Variants in EXOC4 observed in about 807,000 individuals in gnomAD.
EXOC4 encodes the protein SEC8-like 1.
A neutral mutation model predicts 107.2 loss-of-function variants in EXOC4; 71 were observed. The observed-to-expected ratio is 0.66, with a 90% CI of 0.55 to 0.81. EXOC4 has a LOEUF of 0.81. EXOC4 is among the 30% of genes least tolerant of loss of function. EXOC4 has a pLI of 0.00. For missense variants in EXOC4, 1,108 were observed against 1,189.6 expected (o/e 0.93, Z 1.01); for synonymous variants, 456 against 441.2 (o/e 1.03, Z -0.42).
At chr7:133,437,219 AT>A (rs1797996221) in intron 7 of EXOC4, among the ~76,000 whole-genome samples, 1 of 152,080 alleles carries the variant, frequency 6.6e-6, no homozygotes, top group Non-Finnish European at 1.5e-5. Flanking sequence ...AATTTACTAT[AT>A]TTGTGTTACT....
In EXOC4 at chr7:133,685,487, A is replaced by G. The variant is rs956036701; in HGVS notation, c.1514+55346A>G. Among the ~76,000 whole-genome samples the G allele has an allele frequency of 2.6e-5, 4 of 152,216 alleles. No individual in the cohort carries two copies. The South Asian group carries it at 8.3e-4, about 32-fold the overall frequency. ...ATTAAACCTCTTTCCTTTATAAATT[A>G]CCCAATCTTGGGCAGTTTTTTATAG... On this transcript the variant is annotated intron_variant, in intron 10 of 17. Coordinates refer to ENST00000253861, the MANE Select transcript of EXOC4 (RefSeq NM_021807.4).
At chr7:133,868,712 A>G (rs563898091) in intron 11 of EXOC4, among the ~76,000 whole-genome samples, 17 of 152,250 alleles carry the variant, frequency 1.1e-4, no homozygotes, top group African/African-American at 2.9e-4. Flanking sequence ...TCTTGAGTCT[A>G]TTAGAGGAAC....
At chr7:133,686,343 C>T (rs1794297869) in intron 10 of EXOC4, among the ~76,000 whole-genome samples, 1 of 152,118 alleles carries the variant, frequency 6.6e-6, no homozygotes, top group Admixed American at 6.6e-5. Flanking sequence ...CATTTCCTTC[C>T]TCTCATTGCC....
intron 9 of EXOC4, among the ~76,000 whole-genome samples, chr7:133,610,327 G>A (rs1802047958): frequency 6.6e-6 from 1 of 152,148 alleles, no homozygotes; most frequent in Admixed American, 6.5e-5. Flanking sequence ...ACAACAAGTG[G>A]ACTTTCAGCT....
chr7:133,666,682 T>G (rs530362817), intron 10 of EXOC4, among the ~76,000 whole-genome samples: 2 of 152,346 alleles, frequency 1.3e-5, no homozygotes, highest in South Asian at 4.1e-4. Context: ...ATTTATTCAC[T>G]CAACCTTTGC....
At chr7:133,437,823 T>C (rs777456758) in intron 7 of EXOC4, among the ~76,000 whole-genome samples, 5 of 152,180 alleles carry the variant, frequency 3.3e-5, no homozygotes, top group African/African-American at 7.2e-5. Flanking sequence ...TCTCTCTAAT[T>C]ATACAAATAT....
intron 10 of EXOC4, among the ~76,000 whole-genome samples, chr7:133,666,466 A>G (rs949812706): frequency 2.0e-5 from 3 of 152,040 alleles, no homozygotes; most frequent in Non-Finnish European, 2.9e-5. Flanking sequence ...CTATACTCAC[A>G]ATATATTGTA....
chr7:134,094,934 A>G, the EXOC4 span, among the ~76,000 whole-genome samples: 2 of 152,118 alleles, frequency 1.3e-5, no homozygotes, highest in East Asian at 1.9e-4. Flanking sequence ...CTCCTATTCA[A>G]CATAGTACTA....
chr7:133,371,874 C>T (rs1563039978), intron 6 of EXOC4, among the ~76,000 whole-genome samples: 1 of 152,192 alleles, frequency 6.6e-6, no homozygotes, highest in East Asian at 1.9e-4. Flanking sequence ...GTTCCAATTT[C>T]TCTGCATCCT....
intron 13 of EXOC4, among the ~76,000 whole-genome samples, chr7:133,922,446 T>C (rs1440720581): frequency 6.6e-6 from 1 of 152,186 alleles, no homozygotes; most frequent in Admixed American, 6.5e-5. Context: ...TGGCTTCTTA[T>C]TTTCCACATT....
intron 11 of EXOC4, among the ~76,000 whole-genome samples, chr7:133,866,720 G>GA (rs137862277): frequency 0.032 from 4,896 of 151,954 alleles, 263 homozygotes; most frequent in African/African-American, 0.11. Context: ...TTTGAGTTTT[G>GA]AAAAAAAGTG....
At chr7:133,674,218 G>A (rs1004379454) in intron 10 of EXOC4, among the ~76,000 whole-genome samples, 1 of 152,074 alleles carries the variant, frequency 6.6e-6, no homozygotes, top group Non-Finnish European at 1.5e-5. Flanking sequence ...GCAATTGCTC[G>A]AAACCCTAGA....
chr7:133,356,218 CTT>C (rs1205507013), intron 5 of EXOC4, 110 bp from the exon 6 acceptor site: 33 of 1,085,370 alleles, frequency 3.0e-5, no homozygotes, highest in Non-Finnish European at 4.2e-5. Flanking sequence ...GAAAAATCCT[CTT>C]TAATTCTTTA....
chr7:133,543,542 A>G (rs1800422115), intron 9 of EXOC4, among the ~76,000 whole-genome samples: 1 of 152,070 alleles, frequency 6.6e-6, no homozygotes, highest in African/African-American at 2.4e-5. Context: ...CATATATTTA[A>G]TAACTATTAT....
chr7:133,480,470 ATTG>A, intron 9 of EXOC4: 3 of 1,104,676 alleles, frequency 2.7e-6, no homozygotes, highest in Non-Finnish European at 3.3e-6. Context: ...GTTACTTCTA[ATTG>A]TTGTTTTTGA....
At chr7:133,481,414 C>T (rs1346503648) in intron 9 of EXOC4, among the ~76,000 whole-genome samples, 3 of 152,030 alleles carry the variant, frequency 2.0e-5, no homozygotes, top group Non-Finnish European at 4.4e-5. Context: ...GTTGGGCTCA[C>T]GTAGCATTTT....
intron 17 of EXOC4, among the ~76,000 whole-genome samples, chr7:134,054,070 C>G (rs1003841186): frequency 6.6e-6 from 1 of 152,150 alleles, no homozygotes; most frequent in Non-Finnish European, 1.5e-5. Flanking sequence ...CTCTGCCTCC[C>G]AAGTAGCTGA....
intron 10 of EXOC4, among the ~76,000 whole-genome samples, chr7:133,710,488 G>T (rs962573206): frequency 6.6e-6 from 1 of 151,470 alleles, no homozygotes; most frequent in Non-Finnish European, 1.5e-5. Context: ...GTGAAACCCC[G>T]TCTCTACTAA....
At chr7:133,467,238 T>TC (rs1376971658) in intron 7 of EXOC4, among the ~76,000 whole-genome samples, 2 of 151,890 alleles carry the variant, frequency 1.3e-5, no homozygotes, top group East Asian at 3.9e-4. Flanking sequence ...TTTTTTTTTT[T>TC]TGCAGAATGA....
Sources: gnomAD v4.1 joint callset for allele counts (sites outside exome capture counted in the v4.1 genomes callset) on GRCh38, gnomAD v4.1.1 for gene constraint, MANE v1.5 for transcripts, NCBI Gene and HGNC (gene_info 2026-07-23, HGNC 2026-07-21) for gene names.